KDM6A: variants seen among roughly 807,000 people sequenced by gnomAD.
KDM6A encodes the protein lysine-specific demethylase 6A.
A neutral mutation model predicts 117.6 loss-of-function variants in KDM6A; 11 were observed. The observed-to-expected ratio is 0.09, with a 90% CI of 0.06 to 0.15. The LOEUF (loss-of-function observed/expected upper bound fraction) is 0.15, where lower values mean the gene tolerates loss of function less well. Ranked by LOEUF, KDM6A falls within the 10% of genes least tolerant of loss-of-function variation. KDM6A has a pLI of 1.00. For synonymous variants in KDM6A, 384 were observed against 396.1 expected, an observed-to-expected ratio of 0.97 and a Z score of 0.36; for missense variants, 799 against 1,077.3, an observed-to-expected ratio of 0.74 and a Z score of 3.62.
chrX:44,873,702 G>A lies in KDM6A; in HGVS notation c.151G>A (p.Gly51Arg). The change falls in exon 1 of 30, where the codon GGA becomes AGA. Residue 51 changes from glycine (G) to arginine (R), a missense_variant. By Grantham distance (125) the Gly-to-Arg change is moderately radical. This residue lies in a region of KDM6A where 89 missense variants were observed against 117.8 expected (regional missense o/e 0.76). Transcript: ENST00000611820. ...LTAEEREALG[G>R]LDSRLFGFVR... is the part of the protein sequence containing the mutation. ...AGCCGAGGAGAGGGAGGCGCTCGGC[G>A]GACTGGACAGGTACGGGCCGCCGTC... 7 of 1,171,031 alleles carry A rather than the reference G, an allele frequency of 6.0e-6. No homozygotes were observed. The highest frequency in any genetic ancestry group is 8.0e-6 in the Non-Finnish European group (7 of 875,716).
intron 17 of KDM6A, among the ~76,000 whole-genome samples, chrX:45,068,577 AAAG>A (rs2044647387): frequency 9.4e-6 from 1 of 106,484 alleles, no homozygotes; most frequent in African/African-American, 3.4e-5. Context: ...AAAAAAAAAA[AAAG>A]AGAGACACAA....
intron 2 of KDM6A, among the ~76,000 whole-genome samples, chrX:44,890,231 C>G (rs1569355297): frequency 8.9e-6 from 1 of 112,322 alleles, no homozygotes; most frequent in African/African-American, 3.2e-5. Flanking sequence ...GGAGAGTTAT[C>G]TAAGTTGTAT....
chrX:44,963,477 G>GTC (rs1169801479), intron 3 of KDM6A, among the ~76,000 whole-genome samples: 979 of 36,598 alleles, frequency 0.027, 8 homozygotes, highest in Middle Eastern at 0.063. Context: ...GTGTGTGTGT[G>GTC]TGTGTGTGTC....
intron 20 of KDM6A, 99 bp downstream of exon 20, chrX:45,078,604 CT>C (rs1223993031): frequency 4.1e-5 from 25 of 614,086 alleles, no homozygotes; most frequent in Non-Finnish European, 4.6e-5. Flanking sequence ...TTTCTTTTTT[CT>C]TTTTTTTTCT....
chrX:44,966,869 C>CTCT (rs1286093325), intron 3 of KDM6A, among the ~76,000 whole-genome samples: 5 of 88,931 alleles, frequency 5.6e-5, no homozygotes, highest in African/African-American at 2.3e-4. Context: ...CTCTCTCTCT[C>CTCT]TTTTTTTTTT....
intron 4 of KDM6A, among the ~76,000 whole-genome samples, chrX:44,991,298 T>TA (rs1402742644): frequency 1.8e-5 from 2 of 111,606 alleles, no homozygotes; most frequent in Non-Finnish European, 3.8e-5. Context: ...TCTTTGGACT[T>TA]ATTCTCTTTT....
intron 25 of KDM6A, 79 bp from the exon 26 acceptor site, chrX:45,089,664 T>A: frequency 2.8e-6 from 2 of 704,181 alleles, no homozygotes; most frequent in Non-Finnish European, 4.4e-6. Context: ...ATTTAAAAAA[T>A]TTGTGACATT....
intron 4 of KDM6A, among the ~76,000 whole-genome samples, chrX:44,996,020 C>G (rs1301942282): frequency 9.0e-6 from 1 of 111,570 alleles, no homozygotes; most frequent in Non-Finnish European, 1.9e-5. Flanking sequence ...ACATTGAGAT[C>G]AGCTAACTTG....
At chrX:45,092,772 T>A (rs1292117216) in intron 27 of KDM6A, among the ~76,000 whole-genome samples, 1 of 110,974 alleles carries the variant, frequency 9.0e-6, no homozygotes, top group Non-Finnish European at 1.9e-5. Flanking sequence ...GGTCTGAGAG[T>A]GTGAGTTTTC....
chrX:44,939,278 A>G (rs1225019359), intron 2 of KDM6A, among the ~76,000 whole-genome samples: 1 of 112,574 alleles, frequency 8.9e-6, no homozygotes, highest in African/African-American at 3.2e-5. Flanking sequence ...ATGAGGTTAA[A>G]ATATCCACAT....
At chrX:44,880,452 C>CTT (rs750171607) in intron 2 of KDM6A, among the ~76,000 whole-genome samples, 83 of 91,964 alleles carry the variant, frequency 9.0e-4, no homozygotes, top group Middle Eastern at 5.7e-3. Flanking sequence ...TTCTGTACTG[C>CTT]TTTTTTTTTT....
chrX:44,948,059 G>C (rs1301609676), intron 2 of KDM6A, among the ~76,000 whole-genome samples: 1 of 112,181 alleles, frequency 8.9e-6, no homozygotes, highest in African/African-American at 3.2e-5. Context: ...TTGGTCGCCT[G>C]CCATTGTGTT....
intron 4 of KDM6A, among the ~76,000 whole-genome samples, chrX:44,977,220 G>A (rs1043576550): frequency 4.5e-5 from 5 of 110,625 alleles, no homozygotes; most frequent in Admixed American, 9.7e-5. Flanking sequence ...ACAGAGTGCT[G>A]CAGTAAATAG....
At chrX:44,913,837 C>T (rs546991275) in intron 2 of KDM6A, among the ~76,000 whole-genome samples, 1 of 111,227 alleles carries the variant, frequency 9.0e-6, no homozygotes, top group South Asian at 3.8e-4. Flanking sequence ...TAGACAAGTC[C>T]CAGCCCATAG....
chrX:45,042,275 GA>G (rs1242344143), intron 8 of KDM6A, among the ~76,000 whole-genome samples: 63 of 29,310 alleles, frequency 2.1e-3, no homozygotes, highest in African/African-American at 0.014. Context: ...GGAGAGGGGA[GA>G]GGGGAGAGGG....
At chrX:45,090,572 C>A in intron 26 of KDM6A, 151 bp from the exon 27 acceptor site, 1 of 565,367 alleles carries the variant, frequency 1.8e-6, no homozygotes, top group Non-Finnish European at 2.8e-6. Context: ...ATTATTACTA[C>A]TGTAATTATC....
intron 2 of KDM6A, among the ~76,000 whole-genome samples, chrX:44,935,152 A>T (rs1474521750): frequency 1.8e-5 from 2 of 111,681 alleles, no homozygotes; most frequent in Non-Finnish European, 3.8e-5. Flanking sequence ...CAAGAGGGTG[A>T]TGTTATAGTG....
intron 4 of KDM6A, among the ~76,000 whole-genome samples, chrX:45,006,514 G>C (rs2041497302): frequency 9.0e-6 from 1 of 110,672 alleles, no homozygotes. Flanking sequence ...CCCTACTGCT[G>C]TGTCATTCCC....
rs2031014632 is a variant in KDM6A, at chrX:44,873,352, G to C, written c.-200G>C. 10 of 390,299 alleles carry C rather than the reference G, an allele frequency of 2.6e-5. No homozygotes were observed. The East Asian group carries it at 6.3e-4, about 25-fold the overall frequency. The allele number at this position is 390,299 out of a possible 1,213,427, so 32.2% of individuals were successfully genotyped here. On this transcript the variant is annotated 5_prime_UTR_variant, in exon 1 of 30. Coordinates refer to ENST00000611820, the MANE Select transcript of KDM6A (RefSeq NM_001291415.2). ...AGCCGAAAGCCGCCGCTGCCGACCC[G>C]GGGGCTCCGCAGCCCCTGCCGCCGC...
Sources: allele counts gnomAD v4.1 joint callset (sites outside exome capture counted in the v4.1 genomes callset), GRCh38; gene constraint gnomAD v4.1.1; regional missense constraint gnomAD v4.1.1; transcripts MANE v1.5; gene names NCBI Gene and HGNC (gene_info 2026-07-23, HGNC 2026-07-21).